Variants in SLC2A14 observed in about 807,000 individuals in gnomAD.
SLC2A14 encodes the protein solute carrier family 2 member 14.
Under a neutral mutation model 43.0 loss-of-function variants are expected in SLC2A14, and 13 were observed. That is an observed-to-expected ratio of 0.30 (90% CI 0.20 to 0.48). SLC2A14 has a LOEUF of 0.48. Ranked by LOEUF, SLC2A14 falls within the 20% of genes least tolerant of loss-of-function variation. The pLI is 0.99. For missense variants in SLC2A14, 428 were observed against 620.4 expected (o/e 0.69, Z 3.29); for synonymous variants, 190 against 233.8 (o/e 0.81, Z 1.71).
At chr12:7,864,394 A>T (rs1198894178) in intron 2 of SLC2A14, among the ~76,000 whole-genome samples, 2 of 152,112 alleles carry the variant, frequency 1.3e-5, no homozygotes, top group African/African-American at 4.8e-5. Flanking sequence ...GGCTGAGTGC[A>T]GTGGTGCAAT....
intron 1 of SLC2A14, among the ~76,000 whole-genome samples, chr12:7,882,081 A>G (rs1420562128): frequency 1.3e-5 from 2 of 152,000 alleles, no homozygotes; most frequent in East Asian, 1.9e-4. Flanking sequence ...CTCCCTTTCT[A>G]CACTTGGAGG....
rs1216589644 is a variant in SLC2A14, at chr12:7,821,292, C to A, written c.898G>T (p.Ala300Ser). ...GCATAGATGGGCTGTTGAACACCTG[C>A]ATCCTTGAAGATTCCTGTTGAGTAA... ...FYYSTGIFKD[A>S]GVQQPIYATI... Residue 300 changes from alanine to serine, a missense_variant, in exon 8 of 11, where the codon GCA becomes TCA. By Grantham distance (99) the Ala-to-Ser change is moderately conservative. Coordinates refer to ENST00000431042, the MANE Select transcript of SLC2A14 (RefSeq NM_001286234.2). 3 of 1,613,834 alleles carry A rather than the reference C, an allele frequency of 1.9e-6. No homozygotes were observed. The highest frequency in any genetic ancestry group is 1.1e-5 in the South Asian group (1 of 91,078).
intron 2 of SLC2A14, among the ~76,000 whole-genome samples, chr12:7,854,730 TG>T (rs1670153155): frequency 6.6e-6 from 1 of 152,034 alleles, no homozygotes; most frequent in Non-Finnish European, 1.5e-5. Context: ...TTGGTCAGGC[TG>T]GTCTCAAACT....
intron 2 of SLC2A14, among the ~76,000 whole-genome samples, chr12:7,857,305 T>C (rs758856242): frequency 4.0e-5 from 6 of 151,452 alleles, no homozygotes; most frequent in Non-Finnish European, 7.4e-5. Context: ...AAAACACATA[T>C]AGGCCAGGCA....
intron 1 of SLC2A14, chr12:7,872,313 G>C (rs117712101): frequency 0.021 from 3,165 of 152,096 alleles, 48 homozygotes; most frequent in Middle Eastern, 0.041. Context: ...TCCTCCTCCC[G>C]AATCCAGTTC....
chr12:7,863,313 T>C, intron 2 of SLC2A14: 1 of 449,730 alleles, frequency 2.2e-6, no homozygotes, highest in Non-Finnish European at 4.4e-6. Context: ...CGAACGCATC[T>C]GAACATCAGA....
chr12:7,828,756 T>C lies in SLC2A14; in HGVS notation c.624A>G (p.Glu208=), dbSNP rs141379666. ...LQSAALPCCP[E]SPRFLLINRK... Reference sequence around the variant, plus strand: ...TGTTAATGAGCAAAAATCTGGGACTTTCAGGGCAACATGGAAGGGCTGCAC... The same window carrying C: ...TGTTAATGAGCAAAAATCTGGGACTCTCAGGGCAACATGGAAGGGCTGCAC... The change falls in exon 6 of 11, where the codon GAA becomes GAG. Residue 208 remains glutamate (E), a synonymous_variant. Transcript: ENST00000431042. 6 of 1,614,010 alleles carry C rather than the reference T, an allele frequency of 3.7e-6. No individual in the cohort carries two copies. In the African/African-American group the frequency reaches 6.7e-5, roughly 18 times the overall value.
In SLC2A14 at chr12:7,831,317, C is replaced by A. The variant is rs59036093; in HGVS notation, c.272+287G>T. 7.2e-4 allele frequency: 223 copies of A among 310,674 alleles called. 2 individuals are homozygous for A. The highest frequency in any genetic ancestry group is 4.2e-3 in the African/African-American group (199 of 47,486). 19.2% of individuals were successfully genotyped at this position (310,674 alleles called of 1,614,324 possible). A position where few individuals can be genotyped will look rare whatever the true frequency, so the allele number is the denominator to read the frequency against. ...TGTAAATTAAGTATGTTCCTGGAAA[C>A]CCCATAGTTGAGCTTACTAGGGAAT... On this transcript the variant is annotated intron_variant, in intron 4 of 10. Transcript: ENST00000431042.
intron 2 of SLC2A14, among the ~76,000 whole-genome samples, chr12:7,861,883 AC>A (rs1944578727): frequency 6.6e-6 from 1 of 150,752 alleles, no homozygotes; most frequent in Non-Finnish European, 1.5e-5. Context: ...AAATGCTGGA[AC>A]CCGGGAGGCA....
At chr12:7,828,014 C>T (rs751202063) in intron 6 of SLC2A14, among the ~76,000 whole-genome samples, 49 of 151,630 alleles carry the variant, frequency 3.2e-4, no homozygotes, top group African/African-American at 1.0e-3. Context: ...TATCGAGTAG[C>T]CATTCTTTTA....
Position 7,827,361 on chromosome 12 carries a change from C to T in SLC2A14, c.864+134G>A, listed in dbSNP as rs112173026. On this transcript the variant is annotated intron_variant, in intron 7 of 10. Transcript: ENST00000431042. ...CGCAATCTCAGCTCACTGCAACCTT[C>T]GCCTCCCGGGTTCAAGCGATTCTCC... 44 of 1,332,146 alleles carry T rather than the reference C, an allele frequency of 3.3e-5. No homozygotes were observed. In the African/African-American group the frequency reaches 4.8e-4, roughly 14 times the overall value. The allele number at this position is 1,332,146 out of a possible 1,614,324, so 82.5% of individuals were successfully genotyped here.
At chr12:7,880,076 G>A (rs1159702013) in intron 1 of SLC2A14, among the ~76,000 whole-genome samples, 1 of 151,568 alleles carries the variant, frequency 6.6e-6, no homozygotes, top group Non-Finnish European at 1.5e-5. Context: ...GCCGAGGCGG[G>A]TGGATCACCT....
upstream of SLC2A14, among the ~76,000 whole-genome samples, chr12:7,874,916 T>A (rs1945415648): frequency 1.0e-5 from 1 of 95,800 alleles, no homozygotes; most frequent in African/African-American, 4.8e-5. Flanking sequence ...AATACATATA[T>A]AAATATATAT....
chr12:7,882,884 C>G (rs910895225), intron 1 of SLC2A14, among the ~76,000 whole-genome samples: 2 of 64,992 alleles, frequency 3.1e-5, no homozygotes, highest in Non-Finnish European at 8.4e-5. Context: ...TTTCTCAATT[C>G]AAGTTTAAAA....
intron 1 of SLC2A14, chr12:7,870,829 GC>G: frequency 8.1e-7 from 1 of 1,232,032 alleles, no homozygotes. Flanking sequence ...ACCCAGTGAA[GC>G]CCCCACCCAC....
chr12:7,875,089 TTTAA>T (rs1945431053), upstream of SLC2A14, among the ~76,000 whole-genome samples: 1 of 46,562 alleles, frequency 2.1e-5, no homozygotes, highest in African/African-American at 7.8e-5. Context: ...TAATATTCTA[TTTAA>T]ATTTAAATAT....
intron 1 of SLC2A14, among the ~76,000 whole-genome samples, chr12:7,885,994 T>A (rs1256780015): frequency 1.3e-5 from 2 of 151,694 alleles, no homozygotes; most frequent in East Asian, 3.9e-4. Context: ...TTCCTTCTTT[T>A]TTTTTTTTGA....
At chr12:7,883,226 C>T (rs1299316375) in intron 1 of SLC2A14, among the ~76,000 whole-genome samples, 1 of 150,968 alleles carries the variant, frequency 6.6e-6, no homozygotes, top group Non-Finnish European at 1.5e-5. Context: ...CAATCCAAAA[C>T]CAAACAAAAC....
chr12:7,860,643 G>A (rs769312439), intron 2 of SLC2A14: 7 of 152,478 alleles, frequency 4.6e-5, no homozygotes, highest in Non-Finnish European at 2.9e-5. Flanking sequence ...ACGCCTTATG[G>A]TGAGGGTTCT....
Sources: allele counts gnomAD v4.1 joint callset (sites outside exome capture counted in the v4.1 genomes callset), GRCh38; gene constraint gnomAD v4.1.1; transcripts MANE v1.5; gene names NCBI Gene and HGNC (gene_info 2026-07-23, HGNC 2026-07-21).